TENM4: variants seen among roughly 807,000 people sequenced by gnomAD.
TENM4 encodes teneurin transmembrane protein 4.
Under a neutral mutation model 243.3 loss-of-function variants are expected in TENM4, and 82 were observed. The observed-to-expected ratio is 0.34, with a 90% CI of 0.28 to 0.40. The LOEUF (loss-of-function observed/expected upper bound fraction) is 0.40, where lower values mean the gene tolerates loss of function less well. Ranked by LOEUF, TENM4 falls within the 10% of genes least tolerant of loss-of-function variation. The pLI is 1.00. For missense variants in TENM4, 3,138 were observed against 3,673.3 expected, an observed-to-expected ratio of 0.85 and a Z score of 3.77; for synonymous variants, 1,412 against 1,456.3, an observed-to-expected ratio of 0.97 and a Z score of 0.69.
chr11:78,991,327 TG>T (rs1166534787), intron 6 of TENM4, among the ~76,000 whole-genome samples: 10 of 152,174 alleles, frequency 6.6e-5, no homozygotes, highest in Admixed American at 2.6e-4. Context: ...GATTCATTAT[TG>T]CCTCTTGTTG....
At chr11:78,707,869 C>T (rs1446778397) in intron 27 of TENM4, among the ~76,000 whole-genome samples, 1 of 152,200 alleles carries the variant, frequency 6.6e-6, no homozygotes, top group Non-Finnish European at 1.5e-5. Flanking sequence ...AAGAAAGTTA[C>T]TGAGTGAGTG....
intron 2 of TENM4, among the ~76,000 whole-genome samples, chr11:79,258,403 G>C (rs1855737251): frequency 6.6e-6 from 1 of 152,118 alleles, no homozygotes; most frequent in South Asian, 2.1e-4. Flanking sequence ...TAGGCAGTGG[G>C]GCCTCCATTC....
At chr11:78,665,403 T>G (rs113307118) in intron 32 of TENM4, among the ~76,000 whole-genome samples, 2,567 of 152,012 alleles carry the variant, frequency 0.017, 66 homozygotes, top group African/African-American at 0.06. Flanking sequence ...TCCCAAGTAG[T>G]TGGGATTACA....
chr11:79,146,467 T>G (rs1025549815), intron 4 of TENM4, among the ~76,000 whole-genome samples: 1 of 152,040 alleles, frequency 6.6e-6, no homozygotes, highest in African/African-American at 2.4e-5. Flanking sequence ...ATGGCCAAGG[T>G]GTGGAAACAC....
At chr11:79,403,039 C>G (rs1298621260) in intron 1 of TENM4, among the ~76,000 whole-genome samples, 1 of 152,152 alleles carries the variant, frequency 6.6e-6, no homozygotes, top group African/African-American at 2.4e-5. Flanking sequence ...TCCCTTCTGG[C>G]AGGTCATGAT....
At chr11:79,132,082 C>A (rs1862013959) in intron 4 of TENM4, among the ~76,000 whole-genome samples, 1 of 151,866 alleles carries the variant, frequency 6.6e-6, no homozygotes, top group Non-Finnish European at 1.5e-5. Flanking sequence ...GTGGCTCCTG[C>A]CTGGAATCTC....
intron 1 of TENM4, among the ~76,000 whole-genome samples, chr11:79,400,145 A>C (rs369464974): frequency 2.1e-4 from 27 of 130,602 alleles, no homozygotes; most frequent in African/African-American, 6.9e-4. Flanking sequence ...ACACACACAC[A>C]CCCTCCAGGA....
intron 25 of TENM4, among the ~76,000 whole-genome samples, chr11:78,719,579 G>A (rs1443105762): frequency 1.3e-5 from 2 of 152,132 alleles, no homozygotes; most frequent in African/African-American, 4.8e-5. Context: ...CTGAGCTGCA[G>A]GTGGATAACT....
rs1424052784 is a variant in TENM4 at position 79,438,507 on chromosome 11, G to A, written c.-321+2002C>T. On this transcript the variant is annotated intron_variant, in intron 1 of 33. Transcript: ENST00000278550. This position sits in a 1 kb window ranked among gnomAD's most constrained non-coding sequence, Gnocchi z 4.1. ...TAGGTAAGGGTGGCAGCCCGGCAGA[G>A]CCAGCGTTCTACTCCCTCTAACCCC... Among the ~76,000 whole-genome samples, 1 of 151,610 alleles carries A rather than the reference G, an allele frequency of 6.6e-6. No individual in the cohort carries two copies. The highest frequency in any genetic ancestry group is 1.5e-5 in the Non-Finnish European group (1 of 67,832).
chr11:79,005,612 TAAC>T (rs1858460946), intron 6 of TENM4, among the ~76,000 whole-genome samples: 1 of 152,024 alleles, frequency 6.6e-6, no homozygotes, highest in Non-Finnish European at 1.5e-5. Flanking sequence ...CTCAAAATAA[TAAC>T]AGCCATCTAT....
At chr11:79,334,808 AT>A (rs1857121894) in intron 1 of TENM4, among the ~76,000 whole-genome samples, 1 of 152,206 alleles carries the variant, frequency 6.6e-6, no homozygotes, top group South Asian at 2.1e-4. Context: ...GATCTGTTTC[AT>A]TTTAAGCCTG....
chr11:78,674,918 T>G (rs994731423), intron 30 of TENM4, among the ~76,000 whole-genome samples: 1 of 151,704 alleles, frequency 6.6e-6, no homozygotes, highest in Non-Finnish European at 1.5e-5. Flanking sequence ...CAGGCTGGAG[T>G]GCAGCGGCGC....
intron 6 of TENM4, among the ~76,000 whole-genome samples, chr11:78,925,599 C>T (rs891288274): frequency 6.0e-5 from 9 of 151,084 alleles, no homozygotes; most frequent in African/African-American, 2.2e-4. Flanking sequence ...CAGATGCTTT[C>T]ACACACTCCT....
In TENM4 at chr11:78,805,277, T is replaced by TGCCCCCCCCCCCCCCCCCCCCCCCCCC; in HGVS notation, c.2179+14_2179+15insGGGGGGGGGGGGGGGGGGGGGGGGGGC. 2.9e-6 allele frequency: 4 copies of TGCCCCCCCCCCCCCCCCCCCCCCCCCC among 1,402,550 alleles called. No homozygotes were observed. The highest frequency in any genetic ancestry group is 3.9e-6 in the Non-Finnish European group (4 of 1,033,116). 86.9% of individuals were successfully genotyped at this position (1,402,550 alleles called of 1,614,324 possible). A position where few individuals can be genotyped will look rare whatever the true frequency, so the allele number is the denominator to read the frequency against. The stretch of plus-strand genomic sequence containing the variant: ...CCCCTCCCTCTACCCATGCTTCTTC[T>TGCCCCCCCCCCCCCCCCCCCCCCCCCC]CCCCCTGCATTTACCGATAGAACAG... On this transcript the variant is annotated intron_variant, in intron 15 of 33. Coordinates refer to ENST00000278550, the MANE Select transcript of TENM4 (RefSeq NM_001098816.3).
At chr11:78,928,254 G>A (rs148126744) in intron 6 of TENM4, among the ~76,000 whole-genome samples, 1,902 of 152,288 alleles carry the variant, frequency 0.012, 15 homozygotes, top group Middle Eastern at 0.027. Context: ...AGGAGATTAG[G>A]AGGACCAGGG....
intron 3 of TENM4, among the ~76,000 whole-genome samples, chr11:79,150,812 TG>T (rs1286186170): frequency 1.3e-5 from 2 of 152,188 alleles, no homozygotes; most frequent in African/African-American, 4.8e-5. Flanking sequence ...TAATTAGAAG[TG>T]TTTTTTTATA....
Position 79,204,128 on chromosome 11 carries a change from A to G in TENM4, c.-163+11680T>C, listed in dbSNP as rs148623639. Among the ~76,000 whole-genome samples, 193 of 152,268 alleles carry G rather than the reference A, an allele frequency of 1.3e-3. 3 individuals carry two copies. The highest frequency in any genetic ancestry group is 0.011 in the East Asian group (58 of 5,178). ...GGTGGAGGCATTAGGTTAGGAAGAA[A>G]TCTGGGGTGACTGTTAATGGGTATG... is the stretch of plus-strand genomic sequence containing the variant. On this transcript the variant is annotated intron_variant, in intron 3 of 33. Coordinates refer to ENST00000278550, the MANE Select transcript of TENM4 (RefSeq NM_001098816.3).
At chr11:78,916,228 G>A (rs780982917) in intron 6 of TENM4, among the ~76,000 whole-genome samples, 1 of 152,208 alleles carries the variant, frequency 6.6e-6, no homozygotes. Flanking sequence ...TCTGTAAAAT[G>A]GGGATAATAG....
intron 19 of TENM4, among the ~76,000 whole-genome samples, chr11:78,743,082 C>G (rs1855969640): frequency 6.6e-6 from 1 of 152,214 alleles, no homozygotes; most frequent in East Asian, 1.9e-4. Context: ...ACTACCCAAT[C>G]CAGCTAAAGC....
Sources: allele counts gnomAD v4.1 joint callset (sites outside exome capture counted in the v4.1 genomes callset), GRCh38; gene constraint gnomAD v4.1.1; non-coding constraint Gnocchi (gnomAD v3.1); transcripts MANE v1.5; gene names NCBI Gene and HGNC (gene_info 2026-07-23, HGNC 2026-07-21).